NTM: variants seen among roughly 807,000 people sequenced by gnomAD.
NTM encodes IgLON family member 2.
A neutral mutation model predicts 42.1 loss-of-function variants in NTM; 13 were observed. That is an observed-to-expected ratio of 0.31 (90% CI 0.20 to 0.49). The LOEUF is 0.49. NTM is among the 20% of genes least tolerant of loss of function. The pLI is 0.99. For missense variants in NTM, 373 were observed against 452.8 expected (o/e 0.82, Z 1.60); for synonymous variants, 187 against 179.2 (o/e 1.04, Z -0.35).
intron 1 of NTM, among the ~76,000 whole-genome samples, chr11:131,588,106 A>C (rs1008358413): frequency 9.7e-6 from 1 of 103,062 alleles, no homozygotes; most frequent in Admixed American, 1.1e-4. Flanking sequence ...CCCATTTCAC[A>C]GATGAAGAAA....
intron 4 of NTM, among the ~76,000 whole-genome samples, chr11:132,254,089 T>A (rs1047099054): frequency 6.6e-6 from 1 of 152,128 alleles, no homozygotes; most frequent in Non-Finnish European, 1.5e-5. Context: ...TTGTTTGCTA[T>A]CCAGACTCTT....
rs117292469 is a variant in NTM at position 132,269,764 on chromosome 11, A to G, written c.527-37925A>G. 2.1e-3 allele frequency among the ~76,000 whole-genome samples: 316 copies of G among 152,302 alleles called. 4 individuals carry two copies. In the East Asian group the frequency reaches 0.029, roughly 14 times the overall value. On this transcript the variant is annotated intron_variant, in intron 4 of 8. Coordinates refer to ENST00000683400, the MANE Select transcript of NTM (RefSeq NM_001352005.2). ...ACTGGGGGCTCCTGGCAAGCCAACA[A>G]TGTAAAAATGTTCCAGAAAAATCCC...
At chr11:131,643,051 GAAAAA>G (rs34377077) in intron 1 of NTM, among the ~76,000 whole-genome samples, 1 of 132,034 alleles carries the variant, frequency 7.6e-6, no homozygotes, top group South Asian at 2.5e-4. Flanking sequence ...GAAAAAGAAT[GAAAAA>G]AAAAAAAAAC....
At chr11:132,246,351 T>A (rs192836128) in intron 4 of NTM, among the ~76,000 whole-genome samples, 1 of 152,302 alleles carries the variant, frequency 6.6e-6, no homozygotes, top group Admixed American at 6.5e-5. Flanking sequence ...CTCTTGGCTT[T>A]TTACAGTTAA....
chr11:132,073,027 T>C (rs748004194), intron 2 of NTM, among the ~76,000 whole-genome samples: 21 of 152,126 alleles, frequency 1.4e-4, no homozygotes, highest in Non-Finnish European at 2.8e-4. Flanking sequence ...GCTGGGTCCA[T>C]TTGCACACAG....
At chr11:132,334,669 G>A (rs191232824) in intron 8 of NTM, among the ~76,000 whole-genome samples, 2 of 152,248 alleles carry the variant, frequency 1.3e-5, no homozygotes, top group African/African-American at 4.8e-5. Context: ...GATGGGTGAT[G>A]AGGCACTCAG....
At chr11:132,024,838 G>A (rs1309843149) in intron 2 of NTM, among the ~76,000 whole-genome samples, 1 of 152,160 alleles carries the variant, frequency 6.6e-6, no homozygotes, top group Admixed American at 6.5e-5. Flanking sequence ...AGATTTAGTT[G>A]TTCTCTGTGG....
At chr11:131,546,587 C>T (rs999781443) in intron 1 of NTM, 4 of 152,248 alleles carry the variant, frequency 2.6e-5, no homozygotes, top group Non-Finnish European at 4.4e-5. Flanking sequence ...CTGTCCTGCT[C>T]CTCTCCTTCA....
At chr11:131,453,389 G>T (rs1408384073) in intron 1 of NTM, among the ~76,000 whole-genome samples, 1 of 152,128 alleles carries the variant, frequency 6.6e-6, no homozygotes. Flanking sequence ...TTTTTAGGAG[G>T]CTTGGGGAAC....
At chr11:131,535,066 G>C (rs575364933) in intron 1 of NTM, 1 of 152,322 alleles carries the variant, frequency 6.6e-6, no homozygotes, top group African/African-American at 2.4e-5. Context: ...TGCTCGCGGA[G>C]GGAAGGTAGA....
chr11:132,305,695 C>T (rs145556926), intron 4 of NTM, among the ~76,000 whole-genome samples: 5 of 152,330 alleles, frequency 3.3e-5, no homozygotes, highest in African/African-American at 1.2e-4. Flanking sequence ...ATTACAGATT[C>T]TTCATTTAAA....
At chr11:132,188,173 C>A (rs779891961) in intron 3 of NTM, among the ~76,000 whole-genome samples, 2 of 152,080 alleles carry the variant, frequency 1.3e-5, no homozygotes, top group Admixed American at 6.6e-5. Flanking sequence ...TGGGTATAGA[C>A]CAGAGATTCT....
chr11:131,796,636 C>G lies in NTM; in HGVS notation c.83-114928C>G, dbSNP rs536676288. On this transcript the variant is annotated intron_variant, in intron 1 of 8. Coordinates refer to ENST00000683400, the MANE Select transcript of NTM (RefSeq NM_001352005.2). Reference sequence around the variant, plus strand: ...GTGTAGAGTCCCAGCCTCAACATCACAAGGCAGCATAGAGAGGGTGCATCT... The same window carrying G: ...GTGTAGAGTCCCAGCCTCAACATCAGAAGGCAGCATAGAGAGGGTGCATCT... 8.5e-5 allele frequency among the ~76,000 whole-genome samples: 13 copies of G among 152,334 alleles called. No individual in the cohort carries two copies. In the East Asian group the frequency reaches 2.3e-3, roughly 27 times the overall value.
chr11:131,929,974 C>T (rs904101361), intron 2 of NTM, among the ~76,000 whole-genome samples: 3 of 152,156 alleles, frequency 2.0e-5, no homozygotes, highest in African/African-American at 7.2e-5. Context: ...TACTTTTAAA[C>T]ACTTTTTCAT....
At chr11:131,445,001 G>A (rs1391794743) in intron 1 of NTM, among the ~76,000 whole-genome samples, 1 of 152,180 alleles carries the variant, frequency 6.6e-6, no homozygotes, top group Non-Finnish European at 1.5e-5. Flanking sequence ...AAAAGTAAGT[G>A]CATATCCATA....
chr11:132,006,486 T>G (rs1321457049), intron 2 of NTM, among the ~76,000 whole-genome samples: 1 of 152,228 alleles, frequency 6.6e-6, no homozygotes, highest in Non-Finnish European at 1.5e-5. Context: ...GATTAAAGGC[T>G]TTATTGCAAG....
At chr11:132,266,141 A>T (rs1299018898) in intron 4 of NTM, among the ~76,000 whole-genome samples, 1 of 152,212 alleles carries the variant, frequency 6.6e-6, no homozygotes, top group East Asian at 1.9e-4. Flanking sequence ...GGGATGGCTC[A>T]GGAGAGTCAC....
At chr11:132,189,410 T>G (rs1047287962) in intron 3 of NTM, among the ~76,000 whole-genome samples, 4 of 152,300 alleles carry the variant, frequency 2.6e-5, no homozygotes, top group African/African-American at 7.2e-5. Flanking sequence ...ATTTTTAATT[T>G]ATTGCCCAGT....
intron 1 of NTM, among the ~76,000 whole-genome samples, chr11:131,462,678 A>T (rs567974874): frequency 6.6e-6 from 1 of 152,274 alleles, no homozygotes; most frequent in African/African-American, 2.4e-5. Flanking sequence ...TCCTGCATGG[A>T]TCCTGGCAAA....
Sources: allele counts gnomAD v4.1 joint callset (sites outside exome capture counted in the v4.1 genomes callset), GRCh38; gene constraint gnomAD v4.1.1; transcripts MANE v1.5; gene names NCBI Gene and HGNC (gene_info 2026-07-23, HGNC 2026-07-21).